OSBPL3: variants seen among roughly 807,000 people sequenced by gnomAD.
OSBPL3 encodes oxysterol binding protein like 3, also known as oxysterol-binding protein-related protein 3.
OSBPL3 carries 65 observed loss-of-function variants against 120.1 expected under a neutral mutation model. The observed-to-expected ratio is 0.54, with a 90% CI of 0.44 to 0.67. The LOEUF (loss-of-function observed/expected upper bound fraction) is 0.67. OSBPL3 is among the 30% of genes least tolerant of loss of function. OSBPL3 has a pLI of 0.00. For missense variants in OSBPL3, 1,004 were observed against 1,082.1 expected (o/e 0.93, Z 1.01); for synonymous variants, 416 against 402.6 (o/e 1.03, Z -0.40).
In OSBPL3 at chr7:24,912,629, AG is replaced by A. The variant is rs1313732454; in HGVS notation, c.-149-20009del. Among the ~76,000 whole-genome samples the A allele has an allele frequency of 6.6e-6, 1 of 152,260 alleles. No homozygotes were observed. The highest frequency in any genetic ancestry group is 1.5e-5 in the Non-Finnish European group (1 of 68,034). On this transcript the variant is annotated intron_variant, in intron 1 of 22. Transcript: ENST00000313367. The surrounding 1 kb of genome is among the most constrained non-coding windows in gnomAD (Gnocchi z 4.5). ...TGAAAATGAGAAGCACCCAGTCTCC[AG>A]ACCCAAGGCAGACGTCAAGGCTTAT...
At chr7:24,904,919 G>GTGTGTGTT (rs1491422377) in intron 1 of OSBPL3, among the ~76,000 whole-genome samples, 1 of 7,974 alleles carries the variant, frequency 1.3e-4, no homozygotes, top group Non-Finnish European at 3.3e-4. Flanking sequence ...TAATATACAG[G>GTGTGTGTT]TGTGTGTGTG....
chr7:24,975,075 C>A (rs1168800932), intron 1 of OSBPL3, among the ~76,000 whole-genome samples: 2 of 152,244 alleles, frequency 1.3e-5, no homozygotes, highest in Non-Finnish European at 2.9e-5. Context: ...TCTTTCAAAT[C>A]TGCTTTAAAA....
chr7:24,970,396 G>A (rs922649330), intron 1 of OSBPL3, among the ~76,000 whole-genome samples: 7 of 152,074 alleles, frequency 4.6e-5, no homozygotes, highest in Admixed American at 6.6e-5. Flanking sequence ...GTGAGCCATC[G>A]CACTCAGCCC....
In OSBPL3 at chr7:24,856,769, T is replaced by A. The variant is rs141625224; in HGVS notation, c.1028-4135A>T. Among the ~76,000 whole-genome samples the A allele has an allele frequency of 3.2e-3, 492 of 152,328 alleles. 2 individuals carry two copies. The highest frequency in any genetic ancestry group is 0.011 in the African/African-American group (478 of 41,566). On this transcript the variant is annotated intron_variant, in intron 10 of 22. Transcript: ENST00000313367. ...GAGACTCATTTTTCCCCCTTTTTAA[T>A]TGGAAACCAAATTTTAGGTGAATTT...
At chr7:24,928,794 A>G (rs922667903) in intron 1 of OSBPL3, among the ~76,000 whole-genome samples, 1 of 152,072 alleles carries the variant, frequency 6.6e-6, no homozygotes, top group African/African-American at 2.4e-5. Context: ...TGGCTCCTTC[A>G]CCTCAATATG....
chr7:24,849,830 C>T lies in OSBPL3; in HGVS notation c.1159-654G>A, dbSNP rs1798918320. ...ATTAGTTGGGCATGGTGGCACACAC[C>T]TGTAGTCCCAGCTACTTGGGAGGCT... is the stretch of plus-strand genomic sequence containing the variant. On this transcript the variant is annotated intron_variant, in intron 11 of 22. Coordinates refer to ENST00000313367, the MANE Select transcript of OSBPL3 (RefSeq NM_015550.4). The surrounding 1 kb of genome is among the most constrained non-coding windows in gnomAD (Gnocchi z 5.4). Among the ~76,000 whole-genome samples, 1 of 151,876 alleles carries T rather than the reference C, an allele frequency of 6.6e-6. No homozygotes were observed. Among genetic ancestry groups the T allele is most frequent in the Admixed American group, 6.6e-5 (1 of 15,234 alleles).
At chr7:24,975,855 G>C (rs544712650) in intron 1 of OSBPL3, among the ~76,000 whole-genome samples, 1 of 152,212 alleles carries the variant, frequency 6.6e-6, no homozygotes, top group African/African-American at 2.4e-5. Context: ...AGCAGTTTAT[G>C]AGTTCAGCTT....
rs1795251222 is a variant in OSBPL3, at chr7:24,822,595, T to A, written c.1885-2357A>T. 6.6e-6 allele frequency among the ~76,000 whole-genome samples: 1 copy of A among 152,232 alleles called. No individual in the cohort carries two copies. The highest frequency in any genetic ancestry group is 1.5e-5 in the Non-Finnish European group (1 of 68,040). ...TGGATTATTATGAAGTAGATTATAT[T>A]CATCCCACAAAAACAATGTAGCAAT... On this transcript the variant is annotated intron_variant, in intron 16 of 22. Transcript: ENST00000313367. The surrounding 1 kb of genome is among the most constrained non-coding windows in gnomAD (Gnocchi z 5.8).
chr7:24,834,421 C>T lies in OSBPL3; in HGVS notation c.1746+65G>A, dbSNP rs1467787254. 6.4e-7 allele frequency: 1 copy of T among 1,557,632 alleles called. No homozygotes were observed. The highest frequency in any genetic ancestry group is 8.7e-7 in the Non-Finnish European group (1 of 1,152,630). Reference sequence around the variant, plus strand: ...ACAGGGGCTGTCTCTCTGATGGGCCCCGTGAATGGCCTCGTGGCTTGGGGA... The same window carrying T: ...ACAGGGGCTGTCTCTCTGATGGGCCTCGTGAATGGCCTCGTGGCTTGGGGA... On this transcript the variant is annotated intron_variant, in intron 15 of 22. Transcript: ENST00000313367. This position sits in a 1 kb window ranked among gnomAD's most constrained non-coding sequence, Gnocchi z 5.2.
At chr7:24,951,482 G>A (rs1414647059) in intron 1 of OSBPL3, among the ~76,000 whole-genome samples, 1 of 151,866 alleles carries the variant, frequency 6.6e-6, no homozygotes, top group Non-Finnish European at 1.5e-5. Flanking sequence ...CTACAGATGT[G>A]GGCACAAAAA....
At chr7:24,979,464 C>G (rs1563033411) in intron 1 of OSBPL3, among the ~76,000 whole-genome samples, 1 of 152,152 alleles carries the variant, frequency 6.6e-6, no homozygotes, top group Non-Finnish European at 1.5e-5. Flanking sequence ...CTCCGGCGCG[C>G]CCCATCCCGC....
At chr7:24,882,091 G>T (rs1176733496) in intron 2 of OSBPL3, among the ~76,000 whole-genome samples, 1 of 152,098 alleles carries the variant, frequency 6.6e-6, no homozygotes, top group African/African-American at 2.4e-5. Context: ...TCCAGCATTA[G>T]GATGTGGATA....
At chr7:24,850,123 A>T (rs1208920939) in intron 11 of OSBPL3, among the ~76,000 whole-genome samples, 1 of 152,210 alleles carries the variant, frequency 6.6e-6, no homozygotes, top group African/African-American at 2.4e-5. Context: ...TAAGGGCTTA[A>T]GGACCATGGC....
At chr7:24,962,199 A>T (rs1242174022) in intron 1 of OSBPL3, among the ~76,000 whole-genome samples, 1 of 151,766 alleles carries the variant, frequency 6.6e-6, no homozygotes. Context: ...GCTACTCGGG[A>T]GGCTGAGGCA....
chr7:24,905,955 C>T (rs1807847040), intron 1 of OSBPL3, among the ~76,000 whole-genome samples: 1 of 152,116 alleles, frequency 6.6e-6, no homozygotes, highest in Non-Finnish European at 1.5e-5. Flanking sequence ...TTGCTTGAAT[C>T]TGGGAGGCAG....
At chr7:24,860,150 A>G (rs868839028) in intron 10 of OSBPL3, among the ~76,000 whole-genome samples, 1 of 152,210 alleles carries the variant, frequency 6.6e-6, no homozygotes, top group Non-Finnish European at 1.5e-5. Context: ...CAATTTTATC[A>G]CATGTCCACA....
chr7:24,909,790 T>TC (rs1404593186), intron 1 of OSBPL3, among the ~76,000 whole-genome samples: 2 of 90,070 alleles, frequency 2.2e-5, no homozygotes, highest in African/African-American at 3.6e-5. Context: ...TTTCTTTTTT[T>TC]TTTTTTTTTT....
chr7:24,911,819 A>G (rs1176736662), intron 1 of OSBPL3, among the ~76,000 whole-genome samples: 1 of 152,218 alleles, frequency 6.6e-6, no homozygotes, highest in Non-Finnish European at 1.5e-5. Flanking sequence ...TTAACCTGAG[A>G]CACTTTTAAA....
In OSBPL3 at chr7:24,803,730, C is replaced by T. The variant is rs376564664; in HGVS notation, c.2567+585G>A. On this transcript the variant is annotated intron_variant, in intron 22 of 22. Coordinates refer to ENST00000313367, the MANE Select transcript of OSBPL3 (RefSeq NM_015550.4). The surrounding 1 kb of genome is among the most constrained non-coding windows in gnomAD (Gnocchi z 4.2). ...AGGCTGCAGTGAGTCAAGATGGTGC[C>T]ACTGCACTCCAGCCTGGGTGACAGA... Among the ~76,000 whole-genome samples, 2 of 151,880 alleles carry T rather than the reference C, an allele frequency of 1.3e-5. No individual in the cohort carries two copies. Among genetic ancestry groups the T allele is most frequent in the African/African-American group, 4.8e-5 (2 of 41,378 alleles).
Sources: allele counts gnomAD v4.1 joint callset (sites outside exome capture counted in the v4.1 genomes callset), GRCh38; gene constraint gnomAD v4.1.1; non-coding constraint Gnocchi (gnomAD v3.1); transcripts MANE v1.5; gene names NCBI Gene and HGNC (gene_info 2026-07-23, HGNC 2026-07-21).